FIG4: variants seen among roughly 807,000 people sequenced by gnomAD.
The protein encoded by FIG4 is polyphosphoinositide phosphatase.
Under a neutral mutation model 118.6 loss-of-function variants are expected in FIG4, and 112 were observed. That is an observed-to-expected ratio of 0.94 (90% CI 0.81 to 1.11). The LOEUF is 1.11. Among genes scored for constraint, FIG4 ranks in the 50% least tolerant of loss-of-function variants. The pLI is 0.00. For missense variants in FIG4, 969 were observed against 1,111.7 expected (o/e 0.87, Z 1.83); for synonymous variants, 369 against 381.2 (o/e 0.97, Z 0.37).
At chr6:109,812,322 A>G (rs1778743370) in intron 22 of FIG4, among the ~76,000 whole-genome samples, 1 of 152,152 alleles carries the variant, frequency 6.6e-6, no homozygotes, top group Non-Finnish European at 1.5e-5. Flanking sequence ...AAAGGCACAG[A>G]GGCATGTGCT....
At chr6:109,791,331 G>C in intron 19 of FIG4, 45 bp from the exon 20 acceptor site, 1 of 1,516,646 alleles carries the variant, frequency 6.6e-7, no homozygotes, top group Non-Finnish European at 9.1e-7. Flanking sequence ...TGGGTGTTGA[G>C]GGTTAGTTTA....
chr6:109,795,106 T>TG (rs1217999443), intron 21 of FIG4, among the ~76,000 whole-genome samples: 790 of 25,280 alleles, frequency 0.031, 28 homozygotes, highest in South Asian at 0.18. Context: ...TTTTTTTTTT[T>TG]TTTTTTTTTT....
chr6:109,782,139 T>G (rs1777824796), intron 16 of FIG4, among the ~76,000 whole-genome samples: 1 of 152,170 alleles, frequency 6.6e-6, no homozygotes, highest in African/African-American at 2.4e-5. Flanking sequence ...AGAATCTGAC[T>G]TACTAGCTCT....
intron 16 of FIG4, among the ~76,000 whole-genome samples, chr6:109,783,435 CCTT>C (rs1485153436): frequency 1.3e-5 from 2 of 152,132 alleles, no homozygotes; most frequent in Non-Finnish European, 2.9e-5. Context: ...TCTAGCGCCT[CCTT>C]CTGTCTTCTG....
intron 1 of FIG4, 45 bp downstream of exon 1, chr6:109,691,546 C>A (rs1253866024): frequency 1.3e-6 from 2 of 1,497,550 alleles, no homozygotes; most frequent in Non-Finnish European, 1.8e-6. Context: ...GGATGGATGT[C>A]TGCCGGTGGG....
At chr6:109,815,875 T>A (rs1405793684) in intron 22 of FIG4, among the ~76,000 whole-genome samples, 1 of 151,984 alleles carries the variant, frequency 6.6e-6, no homozygotes, top group Non-Finnish European at 1.5e-5. Context: ...GGGGGGGCAC[T>A]CAGTTTTCAT....
chr6:109,788,924 C>T lies in FIG4; in HGVS notation c.2097-670C>T, dbSNP rs149745692. On this transcript the variant is annotated intron_variant, in intron 18 of 22. Coordinates refer to ENST00000230124, the MANE Select transcript of FIG4 (RefSeq NM_014845.6). ...GCTTCAGCAGTAATGGTGAGGTGGC[C>T]TTTGCATAATGTGGAAGCTTTAGCT... 3.7e-3 allele frequency among the ~76,000 whole-genome samples: 563 copies of T among 152,218 alleles called. 1 individual carries two copies. The highest frequency in any genetic ancestry group is 7.5e-3 in the South Asian group (36 of 4,818).
At chr6:109,789,391 A>T (rs1171678423) in intron 18 of FIG4, among the ~76,000 whole-genome samples, 1 of 152,228 alleles carries the variant, frequency 6.6e-6, no homozygotes, top group Non-Finnish European at 1.5e-5. Flanking sequence ...ATCATAGAGA[A>T]TTCACAATTA....
At chr6:109,747,074 T>A (rs1392035794) in intron 10 of FIG4, among the ~76,000 whole-genome samples, 1 of 152,026 alleles carries the variant, frequency 6.6e-6, no homozygotes, top group African/African-American at 2.4e-5. Flanking sequence ...TGAGTGAGGT[T>A]TGAGGTATGC....
chr6:109,727,272 A>G lies in FIG4; in HGVS notation c.446+7A>G. 2 of 1,577,286 alleles carry G rather than the reference A, an allele frequency of 1.3e-6. No individual in the cohort carries two copies. Among genetic ancestry groups the G allele is most frequent in the Non-Finnish European group, 1.7e-6 (2 of 1,163,836 alleles). On this transcript the variant is annotated splice_region_variant and intron_variant, in intron 4 of 22. Transcript: ENST00000230124. ...CTCATCCTGATGAAGCTAGGTATGT[A>G]TGGTGGTAACTACCTTTTTTTTTTT...
Position 109,789,599 on chromosome 6 carries a change from T to G in FIG4, c.2102T>G (p.Phe701Cys). Residue 701 changes from phenylalanine to cysteine, a missense_variant, in exon 19 of 23, where the codon TTT (phenylalanine) becomes TGT (cysteine). Around this residue, in one of 3 missense-constraint regions of FIG4, gnomAD observed 330 missense variants for 348.1 expected, o/e 0.95. Transcript: ENST00000230124. The part of the protein sequence containing the change: ...CLAMTSSARD[F>C]MPKTVGIDPS... ...GTGTTTTCACCTTTCTTTAGTGACT[T>G]TATGCCTAAGACCGTTGGAATTGAT... 2 of 1,612,760 alleles carry G rather than the reference T, an allele frequency of 1.2e-6. No individual in the cohort carries two copies. The highest frequency in any genetic ancestry group is 1.7e-6 in the Non-Finnish European group (2 of 1,178,878).
At position 109,760,237 on chromosome 6, in the gene FIG4, AT is replaced by A. The variant is rs1331278326; in HGVS notation, c.1138-8del. 6.2e-7 allele frequency: 1 copy of A among 1,610,338 alleles called. No homozygotes were observed. The highest frequency in any genetic ancestry group is 1.1e-5 in the South Asian group (1 of 91,014). ...GAAATTAGAACACTGAAAATGTTTA[AT>A]TTTTGATAAAGGAACGAGAGAAAAG... On this transcript the variant is annotated splice_polypyrimidine_tract_variant and intron_variant, in intron 10 of 22. Coordinates refer to ENST00000230124, the MANE Select transcript of FIG4 (RefSeq NM_014845.6).
intron 1 of FIG4, among the ~76,000 whole-genome samples, chr6:109,707,469 A>G (rs1311516397): frequency 6.7e-6 from 1 of 149,946 alleles, no homozygotes; most frequent in Non-Finnish European, 1.5e-5. Context: ...ACACATATAT[A>G]TACTTAATAG....
chr6:109,711,511 T>A (rs1192734013), intron 1 of FIG4, among the ~76,000 whole-genome samples: 2 of 152,244 alleles, frequency 1.3e-5, no homozygotes. Context: ...TTTATCATTA[T>A]GTAATGCCAT....
chr6:109,806,286 C>G (rs147200627), intron 22 of FIG4, among the ~76,000 whole-genome samples: 16 of 152,168 alleles, frequency 1.1e-4, no homozygotes, highest in Admixed American at 8.5e-4. Flanking sequence ...TTATCTGGAA[C>G]CTTGGATATG....
chr6:109,714,218 C>A (rs1292405872), intron 1 of FIG4, among the ~76,000 whole-genome samples: 1 of 152,180 alleles, frequency 6.6e-6, no homozygotes, highest in Non-Finnish European at 1.5e-5. Context: ...CAGTTCAACT[C>A]ACCCATTCCC....
At chr6:109,762,327 T>A in intron 12 of FIG4, 120 bp downstream of exon 12, 1 of 702,564 alleles carries the variant, frequency 1.4e-6, no homozygotes, top group Admixed American at 2.0e-5. Flanking sequence ...GGAGGCACAC[T>A]GCTCACATGA....
At chr6:109,772,884 T>C (rs1288981510) in intron 15 of FIG4, among the ~76,000 whole-genome samples, 1 of 152,246 alleles carries the variant, frequency 6.6e-6, no homozygotes, top group African/African-American at 2.4e-5. Context: ...TATTCTCTGC[T>C]TAGGTTCTCA....
At chr6:109,749,588 T>TAATAAAATAAAATAAAATAA (rs56866401) in intron 10 of FIG4, among the ~76,000 whole-genome samples, 40,545 of 141,412 alleles carry the variant, frequency 0.29, 6,242 homozygotes, top group African/African-American at 0.31. Context: ...CCTGCCTCAA[T>TAATAAAATAAAATAAAATAA]AATAAAATAA....
Sources: gnomAD v4.1 joint callset for allele counts (sites outside exome capture counted in the v4.1 genomes callset) on GRCh38, gnomAD v4.1.1 for gene constraint, gnomAD v4.1.1 regional missense constraint, MANE v1.5 for transcripts, NCBI Gene and HGNC (gene_info 2026-07-23, HGNC 2026-07-21) for gene names.